The following SYNPO2 variants were observed in gnomAD, a reference collection of about 807,000 sequenced individuals.
SYNPO2 encodes synaptopodin 2, also known as synaptopodin-2.
Under a neutral mutation model 85.0 loss-of-function variants are expected in SYNPO2, and 56 were observed. The ratio of observed to expected loss-of-function variants is 0.66; its 90% confidence interval spans 0.53 to 0.82. SYNPO2 has a LOEUF of 0.82. Ranked by LOEUF, SYNPO2 falls within the 40% of genes least tolerant of loss-of-function variation. The probability of loss-of-function intolerance (pLI) is 0.00; values close to 1 mark genes in which losing one functional copy is unlikely to be tolerated. For missense variants in SYNPO2, 1,575 were observed against 1,534.2 expected, an observed-to-expected ratio of 1.03 and a Z score of -0.44; for synonymous variants, 602 against 591.1, an observed-to-expected ratio of 1.02 and a Z score of -0.27.
At chr4:119,057,202 T>G (rs913914563) in intron 4 of SYNPO2, among the ~76,000 whole-genome samples, 199 bp from the exon 5 acceptor site, 10 of 152,240 alleles carry the variant, frequency 6.6e-5, no homozygotes, top group Middle Eastern at 3.4e-3. Flanking sequence ...AGCCCACCAT[T>G]TGCACTTGGC....
intron 1 of SYNPO2, among the ~76,000 whole-genome samples, chr4:118,950,836 A>C (rs2149142408): frequency 6.6e-6 from 1 of 152,364 alleles, no homozygotes; most frequent in South Asian, 2.1e-4. Context: ...GTTGAGTCTC[A>C]GAAATTCAGA....
chr4:118,962,031 A>G (rs997865688), intron 1 of SYNPO2, among the ~76,000 whole-genome samples: 1 of 152,196 alleles, frequency 6.6e-6, no homozygotes, highest in African/African-American at 2.4e-5. Flanking sequence ...CTGAAGACAC[A>G]CATAAGAGCA....
rs367821093 is a variant in SYNPO2 at position 118,853,149 on chromosome 4, G to A, written c.12+2209G>A. On this transcript the variant is annotated intron_variant, in intron 1 of 4. Transcript: ENST00000610556. ...GAAAATGTCATGCCATTCTCCTGAG[G>A]AACCTAGAGATAAGAGGAGGAAGTT... 2.0e-5 allele frequency among the ~76,000 whole-genome samples: 3 copies of A among 152,248 alleles called. 1 individual carries two copies. Among genetic ancestry groups the A allele is most frequent in the African/African-American group, 7.2e-5 (3 of 41,548 alleles).
intron 1 of SYNPO2, among the ~76,000 whole-genome samples, chr4:118,922,837 C>G (rs1176420727): frequency 6.6e-6 from 1 of 151,984 alleles, no homozygotes; most frequent in East Asian, 1.9e-4. Flanking sequence ...GTTTAGAGAT[C>G]CCAGACAGAT....
intron 1 of SYNPO2, among the ~76,000 whole-genome samples, chr4:118,873,269 G>A (rs142049179): frequency 2.6e-5 from 4 of 152,112 alleles, no homozygotes; most frequent in Admixed American, 6.5e-5. Context: ...AGAAATCTCC[G>A]TATTGTTTTC....
chr4:118,919,116 A>G (rs1733450736), intron 1 of SYNPO2, among the ~76,000 whole-genome samples: 1 of 152,216 alleles, frequency 6.6e-6, no homozygotes, highest in African/African-American at 2.4e-5. Context: ...GTGCACAAGT[A>G]TTCAAAAATA....
chr4:119,031,417 C>A lies in SYNPO2; in HGVS notation c.2642C>A (p.Ser881Ter). The A allele has an allele frequency of 6.2e-7, 1 of 1,614,106 alleles. No individual in the cohort carries two copies. The highest frequency in any genetic ancestry group is 8.5e-7 in the Non-Finnish European group (1 of 1,180,036). ...GCTCAGCTCTTTGCTAAAAGGCAGT[C>A]GAGAATGGAGAAGTATGTGGTCGAT... ...RGAQLFAKRQ[S>*]RMEKYVVDSD... The change falls in exon 4 of 5, where the codon TCG becomes TAG. Residue 881 changes from serine to a stop codon, truncating the protein, a stop_gained. Coordinates refer to ENST00000307142, the MANE Select transcript of SYNPO2 (RefSeq NM_133477.3). LOFTEE classifies it high-confidence loss of function.
chr4:118,944,982 G>T (rs1734447307), intron 1 of SYNPO2, among the ~76,000 whole-genome samples: 1 of 152,194 alleles, frequency 6.6e-6, no homozygotes, highest in African/African-American at 2.4e-5. Flanking sequence ...CCTTGGACTA[G>T]TTGGCCTCTC....
At chr4:119,033,863 C>G in intron 4 of SYNPO2, 1 of 985,178 alleles carries the variant, frequency 1.0e-6, no homozygotes. Context: ...TTTCTCCATA[C>G]ATTGTAAAAC....
At chr4:118,851,134 G>C (rs948030680) in intron 1 of SYNPO2, among the ~76,000 whole-genome samples, 1 of 132,164 alleles carries the variant, frequency 7.6e-6, no homozygotes. Flanking sequence ...TCTTTCGTCA[G>C]AACTTTCCTG....
At chr4:119,033,071 C>T (rs1378858274) in intron 4 of SYNPO2, 81 of 985,082 alleles carry the variant, frequency 8.2e-5, no homozygotes, top group Non-Finnish European at 9.8e-5. Flanking sequence ...GCAGGACGCA[C>T]ATAAAGGTGT....
chr4:119,000,173 T>C (rs1157385351), intron 1 of SYNPO2, among the ~76,000 whole-genome samples: 1 of 152,196 alleles, frequency 6.6e-6, no homozygotes, highest in Non-Finnish European at 1.5e-5. Flanking sequence ...TATCAATCTT[T>C]TTCCACCAGG....
intron 1 of SYNPO2, among the ~76,000 whole-genome samples, chr4:118,918,580 G>A (rs1368233401): frequency 6.6e-6 from 1 of 152,136 alleles, no homozygotes; most frequent in Non-Finnish European, 1.5e-5. Context: ...CTCATTTGCA[G>A]AGCAGCACTA....
At chr4:118,890,058 G>A (rs1732310086) in intron 1 of SYNPO2, among the ~76,000 whole-genome samples, 3 of 151,562 alleles carry the variant, frequency 2.0e-5, no homozygotes, top group Admixed American at 1.3e-4. Flanking sequence ...TTAAAAATGG[G>A]TACAGATCTT....
chr4:119,030,376 C>CTT lies in SYNPO2; in HGVS notation c.1602_1603dup (p.Ser535PhefsTer11). 6.2e-7 allele frequency: 1 copy of CTT among 1,614,164 alleles called. No homozygotes were observed. Among genetic ancestry groups the CTT allele is most frequent in the Non-Finnish European group, 8.5e-7 (1 of 1,180,040 alleles). On this transcript the variant is annotated frameshift_variant, in exon 4 of 5. Transcript: ENST00000307142. LOFTEE classifies it high-confidence loss of function. ...CAGACCGATGGCCTGAGAACCACGA[C>CTT]TTCTTACCAAAGAAAGGAGGAAGAG...
chr4:119,006,807 G>A (rs1037282344), intron 1 of SYNPO2, among the ~76,000 whole-genome samples: 36 of 152,092 alleles, frequency 2.4e-4, no homozygotes, highest in African/African-American at 7.5e-4. Context: ...TATAGCCAGG[G>A]TATTGCAACA....
chr4:118,972,794 T>C (rs1049840995), intron 1 of SYNPO2, among the ~76,000 whole-genome samples: 2 of 152,232 alleles, frequency 1.3e-5, no homozygotes, highest in African/African-American at 4.8e-5. Context: ...AAAAATCTCC[T>C]CAAAGTTCAG....
At position 118,919,787 on chromosome 4, in the gene SYNPO2, C is replaced by T. The variant is rs72909257; in HGVS notation, c.105+30646C>T. On this transcript the variant is annotated intron_variant, in intron 1 of 4. Transcript: ENST00000307142. Reference sequence around the variant, plus strand: ...AACAGCCTTAAGGCATAAACCAGCACGATCTGTTAAAGAGACTGAGTACAG... The same window carrying T: ...AACAGCCTTAAGGCATAAACCAGCATGATCTGTTAAAGAGACTGAGTACAG... Among the ~76,000 whole-genome samples the T allele has an allele frequency of 5.1e-3, 777 of 152,252 alleles. 4 individuals carry two copies. Among genetic ancestry groups the T allele is most frequent in the African/African-American group, 0.017 (711 of 41,540 alleles).
intron 1 of SYNPO2, among the ~76,000 whole-genome samples, chr4:118,981,482 A>G (rs1736005620): frequency 6.6e-6 from 1 of 152,202 alleles, no homozygotes; most frequent in Non-Finnish European, 1.5e-5. Flanking sequence ...GATTAATGTA[A>G]TTACCATAAT....
Sources: gnomAD v4.1 joint callset for allele counts (sites outside exome capture counted in the v4.1 genomes callset) on GRCh38, gnomAD v4.1.1 for gene constraint, MANE v1.5 for transcripts, NCBI Gene and HGNC (gene_info 2026-07-23, HGNC 2026-07-21) for gene names.